Variants in FRK observed in about 807,000 individuals in gnomAD.
FRK encodes the protein fyn related Src family tyrosine kinase.
A neutral mutation model predicts 56.4 loss-of-function variants in FRK; 51 were observed. The ratio of observed to expected loss-of-function variants is 0.90; its 90% CI spans 0.72 to 1.14. The LOEUF (loss-of-function observed/expected upper bound fraction) is 1.14, where lower values mean the gene tolerates loss of function less well. FRK is among the 50% of genes most tolerant of loss of function. FRK has a pLI of 0.00. For synonymous variants in FRK, 245 were observed against 217.9 expected, an observed-to-expected ratio of 1.12 and a Z score of -1.10; for missense variants, 570 against 601.4, an observed-to-expected ratio of 0.95 and a Z score of 0.55.
chr6:116,025,184 C>G (rs544898593), intron 1 of FRK, among the ~76,000 whole-genome samples: 1 of 152,240 alleles, frequency 6.6e-6, no homozygotes, highest in South Asian at 2.1e-4. Context: ...TCAAAAGATA[C>G]CACATAGACT....
At chr6:116,083,826 ATT>A in the FRK span, among the ~76,000 whole-genome samples, 5 of 144,456 alleles carry the variant, frequency 3.5e-5, no homozygotes, top group African/African-American at 5.1e-5. Context: ...TGCCCAGCTA[ATT>A]TTTTTTTTTT....
the FRK span, among the ~76,000 whole-genome samples, chr6:116,080,953 G>A: frequency 3.9e-5 from 6 of 152,170 alleles, no homozygotes; most frequent in Non-Finnish European, 8.8e-5. Flanking sequence ...AAAGGAAAGA[G>A]GTTTAATTGA....
the FRK span, among the ~76,000 whole-genome samples, chr6:116,084,417 A>G: frequency 6.6e-6 from 1 of 152,190 alleles, no homozygotes; most frequent in Non-Finnish European, 1.5e-5. Flanking sequence ...CAGTCGGTTC[A>G]CAGTTCAGCT....
chr6:115,981,056 A>C (rs1317367628), intron 2 of FRK, among the ~76,000 whole-genome samples: 1 of 152,174 alleles, frequency 6.6e-6, no homozygotes, highest in Non-Finnish European at 1.5e-5. Flanking sequence ...AAATGAAAAG[A>C]TAATCAAATG....
chr6:115,990,867 T>C (rs1170928119), intron 2 of FRK, among the ~76,000 whole-genome samples: 2 of 151,962 alleles, frequency 1.3e-5, no homozygotes, highest in Admixed American at 6.6e-5. Flanking sequence ...TTGGGCAGTA[T>C]AGTCATTTTA....
chr6:116,077,792 A>G, the FRK span, among the ~76,000 whole-genome samples: 1 of 152,106 alleles, frequency 6.6e-6, no homozygotes, highest in South Asian at 2.1e-4. Context: ...ATTTGTTCCA[A>G]CCCTGCCAGA....
intron 2 of FRK, among the ~76,000 whole-genome samples, chr6:115,970,734 C>CA (rs776925554): frequency 2.9e-4 from 44 of 151,974 alleles, no homozygotes; most frequent in Non-Finnish European, 5.9e-4. Flanking sequence ...CCTGTCTCAA[C>CA]AAAAAATAAT....
rs117524493 is a variant in FRK at position 115,985,005 on chromosome 6, G to C, written c.467-16266C>G. On this transcript the variant is annotated intron_variant, in intron 2 of 7. Coordinates refer to ENST00000606080, the MANE Select transcript of FRK (RefSeq NM_002031.3). ...CTGACAATTACAATGACATCATCCTGAGCCTTGTACTTGAAAGGCAGCATG... is the reference window on the plus strand; with the variant it reads ...CTGACAATTACAATGACATCATCCTCAGCCTTGTACTTGAAAGGCAGCATG... Among the ~76,000 whole-genome samples the C allele has an allele frequency of 2.5e-4, 38 of 152,244 alleles. No homozygotes were observed. The East Asian group carries it at 7.3e-3, about 29-fold the overall frequency.
intron 1 of FRK, 96 bp downstream of exon 1, chr6:116,059,872 C>T (rs1349271099): frequency 6.5e-6 from 7 of 1,070,650 alleles, no homozygotes; most frequent in Non-Finnish European, 9.6e-6. Context: ...TTAGGCAACT[C>T]TTTGGACATT....
chr6:115,956,578 C>T lies in FRK; in HGVS notation c.832G>A (p.Ala278Thr). The change falls in exon 5 of 8, where the codon GCA becomes ACA. Residue 278 changes from alanine (A) to threonine (T), a missense_variant. Physicochemically the swap from Ala to Thr is moderately conservative, Grantham distance 58. Coordinates refer to ENST00000606080, the MANE Select transcript of FRK (RefSeq NM_002031.3). Reference sequence around the variant, plus strand: ...TGTCTTAGGTTCTTCATTATCTGTGCCTCCCTCAGGAAGTCATTTGGATCC... The same window carrying T: ...TGTCTTAGGTTCTTCATTATCTGTGTCTCCCTCAGGAAGTCATTTGGATCC... ...SMDPNDFLREAQIMKNLRHPK... is the reference protein window; with the variant it reads ...SMDPNDFLRETQIMKNLRHPK... 6.3e-7 allele frequency: 1 copy of T among 1,583,366 alleles called. No individual in the cohort carries two copies. Among genetic ancestry groups the T allele is most frequent in the Admixed American group, 1.8e-5 (1 of 55,670 alleles).
chr6:115,993,858 A>G lies in FRK; in HGVS notation c.466+10019T>C, dbSNP rs556321345. 6.9e-4 allele frequency among the ~76,000 whole-genome samples: 105 copies of G among 152,112 alleles called. 1 individual carries two copies. The highest frequency in any genetic ancestry group is 6.8e-3 in the Middle Eastern group (2 of 292). ...TATGCTCTTTATATCACTAAGTGAT[A>G]TCTCTCATCAATTGCCTTTTCATGC... On this transcript the variant is annotated intron_variant, in intron 2 of 7. Coordinates refer to ENST00000606080, the MANE Select transcript of FRK (RefSeq NM_002031.3).
At chr6:116,066,833 C>T in the FRK span, among the ~76,000 whole-genome samples, 1 of 152,170 alleles carries the variant, frequency 6.6e-6, no homozygotes, top group East Asian at 1.9e-4. Flanking sequence ...CTGTTCTCAA[C>T]CTAAATAATG....
At chr6:116,024,930 G>C (rs1016138453) in intron 1 of FRK, among the ~76,000 whole-genome samples, 3 of 152,070 alleles carry the variant, frequency 2.0e-5, no homozygotes, top group Admixed American at 2.0e-4. Context: ...AGCACCTGTT[G>C]TTTCCTGACT....
chr6:116,061,116 A>AT (rs1237208046), upstream of FRK, among the ~76,000 whole-genome samples: 1 of 152,036 alleles, frequency 6.6e-6, no homozygotes, highest in Non-Finnish European at 1.5e-5. Context: ...CACGGCAGAG[A>AT]TTTTTTTCCC....
intron 1 of FRK, among the ~76,000 whole-genome samples, chr6:116,033,002 G>T (rs1402062770): frequency 6.6e-6 from 1 of 152,082 alleles, no homozygotes; most frequent in African/African-American, 2.4e-5. Flanking sequence ...CTAGAAATCT[G>T]TTTATTAATA....
At chr6:115,984,712 A>G (rs1244489396) in intron 2 of FRK, among the ~76,000 whole-genome samples, 1 of 150,498 alleles carries the variant, frequency 6.6e-6, no homozygotes, top group African/African-American at 2.5e-5. Context: ...AATATCCTAT[A>G]CCTGTTTCCC....
At chr6:116,045,649 A>G (rs1776920758) in intron 1 of FRK, among the ~76,000 whole-genome samples, 1 of 152,208 alleles carries the variant, frequency 6.6e-6, no homozygotes, top group South Asian at 2.1e-4. Context: ...CAACCTACTC[A>G]ATACCATTCA....
Position 115,932,478 on chromosome 6 carries a change from T to C in FRK, c.*9936A>G, listed in dbSNP as rs1244996306. On this transcript the variant is annotated 3_prime_UTR_variant, in exon 8 of 8. Transcript: ENST00000606080. ...CAGATCAGCCCACTGGCAATTCCAA[T>C]ACCCAGGTGTACAAACCTCATTTAC... The C allele has an allele frequency of 6.6e-6, 1 of 152,196 alleles. No homozygotes were observed. Among genetic ancestry groups the C allele is most frequent in the Non-Finnish European group, 1.5e-5 (1 of 68,024 alleles). The allele number at this position is 152,196 out of a possible 1,614,324, so 9.4% of individuals were successfully genotyped here. A position where few individuals can be genotyped will look rare whatever the true frequency, so the allele number is the denominator to read the frequency against.
At chr6:116,039,144 T>G in intron 1 of FRK, 1 of 962,572 alleles carries the variant, frequency 1.0e-6, no homozygotes. Context: ...GGGGAGAAGC[T>G]AGCTGAAAGG....
Sources: allele counts gnomAD v4.1 joint callset (sites outside exome capture counted in the v4.1 genomes callset), GRCh38; gene constraint gnomAD v4.1.1; transcripts MANE v1.5; gene names NCBI Gene and HGNC (gene_info 2026-07-23, HGNC 2026-07-21).